Variants in EML4 observed in about 807,000 individuals in gnomAD.
EML4 encodes echinoderm microtubule-associated protein-like 4.
EML4 carries 72 observed loss-of-function variants against 129.0 expected under a neutral mutation model. That is an observed-to-expected ratio of 0.56 (90% CI 0.46 to 0.68). The LOEUF (loss-of-function observed/expected upper bound fraction) is 0.68, where lower values mean the gene tolerates loss of function less well. Ranked by LOEUF, EML4 falls within the 30% of genes least tolerant of loss-of-function variation. EML4 has a pLI of 0.00. For missense variants in EML4, 1,363 were observed against 1,190.6 expected, an observed-to-expected ratio of 1.14 and a Z score of -2.13; for synonymous variants, 532 against 405.0, an observed-to-expected ratio of 1.31 and a Z score of -3.77.
In EML4 at chr2:42,330,003, T is replaced by G. The variant is rs758879831; in HGVS notation, c.2742T>G (p.Ser914Arg). Residue 914 changes from serine to arginine, a missense_variant, in exon 23 of 23, where the codon AGT becomes AGG. By Grantham distance (110) the Ser-to-Arg change is moderately radical. Coordinates refer to ENST00000318522, the MANE Select transcript of EML4 (RefSeq NM_019063.5). Reference sequence around the variant, plus strand: ...TAAATGAGACAGCTGAAGAGGAAAGTAGAATAAGCAGTTCTCCCACACTTC... The same window carrying G: ...TAAATGAGACAGCTGAAGAGGAAAGGAGAATAAGCAGTTCTCCCACACTTC... ...QPLNETAEEE[S>R]RISSSPTLLE... 1 of 1,613,324 alleles carries G rather than the reference T, an allele frequency of 6.2e-7. No individual in the cohort carries two copies. Among genetic ancestry groups the G allele is most frequent in the South Asian group, 1.1e-5 (1 of 91,010 alleles).
chr2:42,243,450 A>C (rs1675172168), intron 1 of EML4, among the ~76,000 whole-genome samples: 1 of 151,810 alleles, frequency 6.6e-6, no homozygotes, highest in South Asian at 2.1e-4. Context: ...ATGTGCCTTT[A>C]AGTAACAAAT....
At chr2:42,213,636 C>CT (rs1030110209) in intron 1 of EML4, among the ~76,000 whole-genome samples, 2 of 152,182 alleles carry the variant, frequency 1.3e-5, no homozygotes, top group Non-Finnish European at 2.9e-5. Flanking sequence ...TGTTGTCTCC[C>CT]TTTTTCTTTT....
At chr2:42,279,480 C>T (rs1204236761) in intron 6 of EML4, among the ~76,000 whole-genome samples, 5 of 149,114 alleles carry the variant, frequency 3.4e-5, no homozygotes, top group East Asian at 2.0e-4. Context: ...TTTTTTGAGA[C>T]GCAGTCTTGC....
intron 1 of EML4, among the ~76,000 whole-genome samples, chr2:42,212,723 A>T (rs545995627): frequency 6.6e-6 from 1 of 152,242 alleles, no homozygotes; most frequent in Admixed American, 6.5e-5. Context: ...ATGCATTTCT[A>T]TATCTTTATC....
At chr2:42,278,522 C>G (rs180953123) in intron 6 of EML4, among the ~76,000 whole-genome samples, 1 of 135,100 alleles carries the variant, frequency 7.4e-6, no homozygotes, top group Non-Finnish European at 1.5e-5. Context: ...TGCGGTGAGC[C>G]GAGCTCATGC....
chr2:42,204,954 A>G (rs941813592), intron 1 of EML4, among the ~76,000 whole-genome samples: 1 of 152,190 alleles, frequency 6.6e-6, no homozygotes, highest in African/African-American at 2.4e-5. Context: ...AGTTCTTCCT[A>G]TTACTATACC....
intron 20 of EML4, chr2:42,325,946 G>GAA: frequency 6.8e-5 from 18 of 265,122 alleles, no homozygotes; most frequent in Non-Finnish European, 9.7e-5. Context: ...CTTTTTAGAG[G>GAA]AAAAAAAAAA....
intron 1 of EML4, among the ~76,000 whole-genome samples, chr2:42,237,550 G>A (rs186503865): frequency 6.6e-6 from 1 of 152,110 alleles, no homozygotes; most frequent in Non-Finnish European, 1.5e-5. Flanking sequence ...GGGGTTTGGG[G>A]TGCCAACTCC....
intron 19 of EML4, 107 bp from the exon 20 acceptor site, chr2:42,325,360 T>G (rs1669730249): frequency 1.6e-6 from 1 of 608,214 alleles, no homozygotes; most frequent in African/African-American, 1.8e-5. Flanking sequence ...TCCTCTCCTT[T>G]AGAAATTCCA....
At chr2:42,277,171 G>A (rs1037274984) in intron 6 of EML4, among the ~76,000 whole-genome samples, 2 of 152,090 alleles carry the variant, frequency 1.3e-5, no homozygotes, top group African/African-American at 4.8e-5. Context: ...TATTTATGAT[G>A]TACACCTCTG....
chr2:42,311,494 G>A (rs1668947616), intron 17 of EML4, among the ~76,000 whole-genome samples: 1 of 151,996 alleles, frequency 6.6e-6, no homozygotes. Context: ...GGTTGAGGCT[G>A]CAGTAAACTG....
intron 19 of EML4, among the ~76,000 whole-genome samples, chr2:42,318,353 G>A (rs968370981): frequency 1.5e-4 from 23 of 152,074 alleles, no homozygotes; most frequent in African/African-American, 5.3e-4. Flanking sequence ...ACTTCAATAT[G>A]GGTCTGAAAT....
chr2:42,323,958 G>A (rs1025126765), intron 19 of EML4, among the ~76,000 whole-genome samples: 1 of 144,246 alleles, frequency 6.9e-6, no homozygotes, highest in Middle Eastern at 4.2e-3. Context: ...AAAAAAAAAA[G>A]AAAAGAAAAA....
chr2:42,279,460 TC>T (rs1666878986), intron 6 of EML4, among the ~76,000 whole-genome samples: 1 of 150,908 alleles, frequency 6.6e-6, no homozygotes, highest in Non-Finnish European at 1.5e-5. Flanking sequence ...ACACTTGCCG[TC>T]TTTTTTTTTT....
chr2:42,330,633 T>C lies in EML4; in HGVS notation c.*426T>C, dbSNP rs190289736. On this transcript the variant is annotated 3_prime_UTR_variant, in exon 23 of 23. Transcript: ENST00000318522. Reference sequence around the variant, plus strand: ...AGACTGTACTACTTTTTTTTTTTTTTTTCCTGAAAAAGAAACCAGAAAAAA... The same window carrying C: ...AGACTGTACTACTTTTTTTTTTTTTCTTCCTGAAAAAGAAACCAGAAAAAA... The C allele has an allele frequency of 1.5e-5, 4 of 263,344 alleles. No homozygotes were observed. In the East Asian group the frequency reaches 2.3e-4, roughly 15 times the overall value. The allele number at this position is 263,344 out of a possible 1,614,324, so 16.3% of individuals were successfully genotyped here.
In EML4 at chr2:42,325,571, T is replaced by TTATATATA. The variant is rs149584395; in HGVS notation, c.2242+27_2242+34dup. Reference sequence around the variant, plus strand: ...TATTGTACTGTAAGTATGAATGATTTTATATATATATATATATGCTATGAT... The same window carrying TTATATATA: ...TATTGTACTGTAAGTATGAATGATTTTATATATATATATATATATATATATGCTATGAT... On this transcript the variant is annotated intron_variant, in intron 20 of 22. Coordinates refer to ENST00000318522, the MANE Select transcript of EML4 (RefSeq NM_019063.5). 1.1e-4 allele frequency: 56 copies of TTATATATA among 488,546 alleles called. No homozygotes were observed. Among genetic ancestry groups the TTATATATA allele is most frequent in the Admixed American group, 2.9e-4 (9 of 30,992 alleles). The allele number at this position is 488,546 out of a possible 1,614,324, so 30.3% of individuals were successfully genotyped here.
chr2:42,193,254 T>G (rs1236308510), intron 1 of EML4, among the ~76,000 whole-genome samples: 1 of 152,252 alleles, frequency 6.6e-6, no homozygotes, highest in African/African-American at 2.4e-5. Flanking sequence ...TGTAGTAGGC[T>G]ATACCATCTA....
At chr2:42,178,860 A>G (rs921217079) in intron 1 of EML4, among the ~76,000 whole-genome samples, 2 of 152,220 alleles carry the variant, frequency 1.3e-5, no homozygotes, top group East Asian at 1.9e-4. Flanking sequence ...AGTGTAGGCA[A>G]AAGTTGAAAT....
intron 1 of EML4, among the ~76,000 whole-genome samples, chr2:42,241,392 C>G (rs1393085100): frequency 2.6e-5 from 4 of 152,060 alleles, no homozygotes; most frequent in Non-Finnish European, 5.9e-5. Context: ...ATTGATCATC[C>G]AAGTCAGGGA....
Sources: allele counts gnomAD v4.1 joint callset (sites outside exome capture counted in the v4.1 genomes callset), GRCh38; gene constraint gnomAD v4.1.1; transcripts MANE v1.5; gene names NCBI Gene and HGNC (gene_info 2026-07-23, HGNC 2026-07-21).